The following VWA2 variants were observed in gnomAD, a reference collection of about 807,000 sequenced individuals.
VWA2 encodes the protein von Willebrand factor A domain containing 2.
VWA2 carries 73 observed loss-of-function variants against 70.4 expected under a neutral mutation model. The ratio of observed to expected loss-of-function variants is 1.04; its 90% CI spans 0.86 to 1.26. VWA2 has a LOEUF of 1.26. Among genes scored for constraint, VWA2 ranks in the 50% most tolerant of loss-of-function variants. The pLI is 0.00. For synonymous variants in VWA2, 407 were observed against 423.3 expected (o/e 0.96, Z 0.47); for missense variants, 1,011 against 998.5 (o/e 1.01, Z -0.17).
rs2039605473 is a variant in VWA2, at chr10:114,291,601, G to A, written c.*364G>A. The A allele has an allele frequency of 8.7e-6, 2 of 231,082 alleles. No individual in the cohort carries two copies. Among genetic ancestry groups the A allele is most frequent in the South Asian group, 1.5e-4 (2 of 13,270 alleles). The allele number at this position is 231,082 out of a possible 1,614,324, so 14.3% of individuals were successfully genotyped here. A position where few individuals can be genotyped will look rare whatever the true frequency, so the allele number is the denominator to read the frequency against. On this transcript the variant is annotated 3_prime_UTR_variant, in exon 14 of 14. Coordinates refer to ENST00000392982, the MANE Select transcript of VWA2 (RefSeq NM_001272046.2). ...CCTGAAGACTTAAATTTAGCGGCCT[G>A]ACGTTCCTTTGCACACAATCAATGC... is the stretch of plus-strand genomic sequence containing the variant.
chr10:114,278,617 G>A (rs2037907225), intron 7 of VWA2, 102 bp from the exon 8 acceptor site: 3 of 1,538,070 alleles, frequency 2.0e-6, no homozygotes, highest in African/African-American at 1.4e-5. Context: ...GAAGTGTGGT[G>A]GAACCTCCCA....
chr10:114,243,222 CT>C (rs2037004979), intron 1 of VWA2, among the ~76,000 whole-genome samples: 1 of 152,214 alleles, frequency 6.6e-6, no homozygotes, highest in Non-Finnish European at 1.5e-5. Context: ...ATCTTCCCAG[CT>C]TTTCTCCCTA....
rs539875297 is a variant in VWA2 at position 114,261,396 on chromosome 10, T to C, written c.371+101T>C. ...CCTGCTCTGGGCTCACAGAGAGGAC[T>C]GTGGGCTGCTTTCAGGAGTCCAGCT... On this transcript the variant is annotated intron_variant, in intron 5 of 13. Transcript: ENST00000392982. The C allele has an allele frequency of 1.8e-5, 16 of 898,782 alleles. No homozygotes were observed. The East Asian group carries it at 3.3e-4, about 18-fold the overall frequency. 55.7% of individuals were successfully genotyped at this position (898,782 alleles called of 1,614,324 possible).
At chr10:114,277,765 G>A (rs1335672718) in intron 6 of VWA2, 149 bp from the exon 7 acceptor site, 14 of 995,884 alleles carry the variant, frequency 1.4e-5, no homozygotes, top group Admixed American at 3.4e-5. Context: ...TTTCCATTCC[G>A]GTTAACTGTT....
intron 3 of VWA2, among the ~76,000 whole-genome samples, 183 bp from the exon 4 acceptor site, chr10:114,254,732 G>A (rs78445184): frequency 0.019 from 2,938 of 152,282 alleles, 114 homozygotes; most frequent in African/African-American, 0.068. Context: ...GCACATTTGT[G>A]AGCAGCACAC....
intron 8 of VWA2, chr10:114,280,874 G>A (rs1299176672): frequency 6.6e-6 from 1 of 152,034 alleles, no homozygotes; most frequent in Admixed American, 6.6e-5. Flanking sequence ...AAGTAGTTGG[G>A]ACTACAGACA....
At chr10:114,285,179 C>T (rs1014926552) in intron 10 of VWA2, among the ~76,000 whole-genome samples, 8 of 152,210 alleles carry the variant, frequency 5.3e-5, no homozygotes, top group Non-Finnish European at 1.0e-4. Context: ...CTGGATGAGA[C>T]AGTGGCTCCC....
chr10:114,249,321 A>G (rs952757513), intron 2 of VWA2, among the ~76,000 whole-genome samples: 13 of 152,074 alleles, frequency 8.5e-5, no homozygotes, highest in African/African-American at 2.7e-4. Context: ...CAATGGCGCA[A>G]TCTCTGCTCA....
intron 1 of VWA2, among the ~76,000 whole-genome samples, chr10:114,242,933 C>T (rs1301776843): frequency 6.6e-6 from 1 of 152,096 alleles, no homozygotes; most frequent in Non-Finnish European, 1.5e-5. Context: ...CAGATTCTCC[C>T]CATTTGGCAG....
At chr10:114,288,096 C>T (rs2039132632) in intron 11 of VWA2, among the ~76,000 whole-genome samples, 1 of 152,306 alleles carries the variant, frequency 6.6e-6, no homozygotes, top group East Asian at 1.9e-4. Flanking sequence ...AACTCCTTCC[C>T]CTGGCTTCTG....
intron 7 of VWA2, 85 bp from the exon 8 acceptor site, chr10:114,278,634 G>T (rs2037907563): frequency 1.3e-6 from 2 of 1,579,146 alleles, no homozygotes; most frequent in African/African-American, 1.3e-5. Flanking sequence ...CCCAGGAGCG[G>T]GAGCAGCTGC....
At chr10:114,273,947 A>C (rs1186173405) in intron 6 of VWA2, among the ~76,000 whole-genome samples, 2 of 152,236 alleles carry the variant, frequency 1.3e-5, no homozygotes, top group Admixed American at 6.5e-5. Flanking sequence ...GAGGAAAGCT[A>C]TTTTAGTTTG....
chr10:114,266,020 G>A (rs991738547), intron 5 of VWA2, among the ~76,000 whole-genome samples: 5 of 152,074 alleles, frequency 3.3e-5, no homozygotes, highest in Non-Finnish European at 7.4e-5. Flanking sequence ...ACTTTTGGCC[G>A]GGCGCGGTGG....
chr10:114,257,731 T>C (rs1375415101), intron 4 of VWA2, among the ~76,000 whole-genome samples: 5 of 152,158 alleles, frequency 3.3e-5, no homozygotes, highest in African/African-American at 1.2e-4. Flanking sequence ...GACAAGAAAT[T>C]TCCTGGCTGA....
In VWA2 at chr10:114,291,293, A is replaced by G. The variant is rs1050953161; in HGVS notation, c.*56A>G. ...GCCGTACCCCTCCCAGCAACTACAGAGAAGGCCTGGGCACTGAAATGGTGC... is the reference window on the plus strand; with the variant it reads ...GCCGTACCCCTCCCAGCAACTACAGGGAAGGCCTGGGCACTGAAATGGTGC... On this transcript the variant is annotated 3_prime_UTR_variant, in exon 14 of 14. Coordinates refer to ENST00000392982, the MANE Select transcript of VWA2 (RefSeq NM_001272046.2). 1 of 1,529,950 alleles carries G rather than the reference A, an allele frequency of 6.5e-7. No individual in the cohort carries two copies. Among genetic ancestry groups the G allele is most frequent in the Admixed American group, 2.0e-5 (1 of 48,862 alleles). The allele number at this position is 1,529,950 out of a possible 1,614,324, so 94.8% of individuals were successfully genotyped here. A position where few individuals can be genotyped will look rare whatever the true frequency, so the allele number is the denominator to read the frequency against.
At position 114,285,959 on chromosome 10, in the gene VWA2, T is replaced by C; in HGVS notation, c.1018T>C (p.Cys340Arg). 1 of 1,603,452 alleles carries C rather than the reference T, an allele frequency of 6.2e-7. No homozygotes were observed. The highest frequency in any genetic ancestry group is 1.3e-5 in the African/African-American group (1 of 74,910). ...CGCAGCCCTGAAGCTGAGCCTGGAA[T>C]GCAGGGTCGACCTCCTCTTCCTGCT... ...ANCALKLSLE[C>R]RVDLLFLLDS... The change falls in exon 11 of 14, where the codon TGC (cysteine) becomes CGC (arginine). Residue 340 changes from cysteine to arginine, a missense_variant. Coordinates refer to ENST00000392982, the MANE Select transcript of VWA2 (RefSeq NM_001272046.2).
Position 114,290,323 on chromosome 10 carries a change from T to C in VWA2, c.2206T>C (p.Cys736Arg). The C allele has an allele frequency of 6.4e-7, 1 of 1,550,596 alleles. No homozygotes were observed. The highest frequency in any genetic ancestry group is 1.2e-5 in the South Asian group (1 of 84,068). The part of the protein sequence containing the change: ...SCVLQNGSYR[C>R]KCRDGWEGPH... ...CGTCCTGCAGAATGGGAGCTACCGC[T>C]GCAAGTGTCGGGATGGCTGGGAGGG... Residue 736 changes from cysteine (C) to arginine (R), a missense_variant, in exon 13 of 14, where the codon TGC becomes CGC. Transcript: ENST00000392982.
At chr10:114,275,634 C>T (rs374994088) in intron 6 of VWA2, among the ~76,000 whole-genome samples, 1 of 152,022 alleles carries the variant, frequency 6.6e-6, no homozygotes, top group Non-Finnish European at 1.5e-5. Flanking sequence ...TTTAAAAATA[C>T]AATAAAAATG....
At chr10:114,248,606 C>G (rs1232622801) in intron 1 of VWA2, 98 bp from the exon 2 acceptor site, 16 of 1,041,008 alleles carry the variant, frequency 1.5e-5, no homozygotes, top group Non-Finnish European at 2.4e-5. Flanking sequence ...TATCTGTGAC[C>G]TGGAAAAGGC....
Sources: gnomAD v4.1 joint callset for allele counts (sites outside exome capture counted in the v4.1 genomes callset) on GRCh38, gnomAD v4.1.1 for gene constraint, MANE v1.5 for transcripts, NCBI Gene and HGNC (gene_info 2026-07-23, HGNC 2026-07-21) for gene names.